Variants in ZNF101 observed in about 807,000 individuals in gnomAD.
ZNF101 encodes the protein zinc finger protein 101 (Y2).
A neutral mutation model predicts 42.6 loss-of-function variants in ZNF101; 34 were observed. The observed-to-expected ratio is 0.80, with a 90% CI of 0.61 to 1.06. The LOEUF is 1.06. ZNF101 is among the 50% of genes least tolerant of loss of function. The pLI is 0.00. For missense variants in ZNF101, 466 were observed against 530.9 expected (o/e 0.88, Z 1.20); for synonymous variants, 158 against 183.9 (o/e 0.86, Z 1.14).
At chr19:19,678,587 C>A in intron 2 of ZNF101, 139 bp from the exon 3 acceptor site, 1 of 664,946 alleles carries the variant, frequency 1.5e-6, no homozygotes, top group Non-Finnish European at 2.5e-6. Flanking sequence ...TGCACTCCAG[C>A]CTGGGTGGCA....
At chr19:19,676,197 T>G (rs542000356) in intron 1 of ZNF101, 3 of 152,044 alleles carry the variant, frequency 2.0e-5, no homozygotes, top group Non-Finnish European at 4.4e-5. Flanking sequence ...TTTTAAAAAA[T>G]TTTTCTAGAG....
intron 1 of ZNF101, among the ~76,000 whole-genome samples, chr19:19,669,640 C>G (rs976053779): frequency 9.9e-5 from 15 of 152,046 alleles, no homozygotes; most frequent in Non-Finnish European, 2.2e-4. Context: ...ATTACAGGTG[C>G]CCGCCACCAC....
chr19:19,668,753 C>A, upstream of ZNF101: 1 of 541,800 alleles, frequency 1.8e-6, no homozygotes, highest in Non-Finnish European at 3.2e-6. Flanking sequence ...GTCAGAGGCG[C>A]TGTGCGGCAA....
upstream of ZNF101, chr19:19,668,809 C>G (rs1000043525): frequency 2.6e-5 from 25 of 953,424 alleles, no homozygotes; most frequent in South Asian, 3.6e-5. Context: ...TTCCAAAGCC[C>G]GAAGCGGTCT....
intron 3 of ZNF101, 130 bp downstream of exon 3, chr19:19,678,916 C>CA (rs2062219426): frequency 1.0e-6 from 1 of 967,284 alleles, no homozygotes; most frequent in Non-Finnish European, 1.5e-6. Flanking sequence ...AGATTGCTAC[C>CA]AAAAATCTAT....
Position 19,668,856 on chromosome 19 carries a change from A to G in ZNF101, c.-108A>G. ...GGCCCCCCATTCGGGTCCGGGTTTT[A>G]GTTCCTCGGGGAGCCCCTGGTGCCC... is the stretch of plus-strand genomic sequence containing the variant. On this transcript the variant is annotated 5_prime_UTR_variant, in exon 1 of 4. Coordinates refer to ENST00000592502, the MANE Select transcript of ZNF101 (RefSeq NM_033204.4). The G allele has an allele frequency of 1.4e-6, 2 of 1,405,926 alleles. No homozygotes were observed. The highest frequency in any genetic ancestry group is 1.9e-6 in the Non-Finnish European group (2 of 1,051,454). The allele number at this position is 1,405,926 out of a possible 1,614,324, so 87.1% of individuals were successfully genotyped here.
At position 19,681,770 on chromosome 19, in the gene ZNF101, A is replaced by G. The variant is rs1488327705; in HGVS notation, c.*1470A>G. On this transcript the variant is annotated 3_prime_UTR_variant, in exon 4 of 4. Coordinates refer to ENST00000592502, the MANE Select transcript of ZNF101 (RefSeq NM_033204.4). ...CTAAAAAAATTAATCATGTGAGAAC[A>G]TCCACTCGAAAGAAATCCTATAAAC... is the stretch of plus-strand genomic sequence containing the variant. The G allele has an allele frequency of 6.6e-6, 1 of 152,108 alleles. No homozygotes were observed. The highest frequency in any genetic ancestry group is 1.5e-5 in the Non-Finnish European group (1 of 68,018). 9.4% of individuals were successfully genotyped at this position (152,108 alleles called of 1,614,324 possible).
chr19:19,678,105 T>C (rs1325822320), intron 2 of ZNF101, 115 bp downstream of exon 2: 5 of 1,458,930 alleles, frequency 3.4e-6, no homozygotes, highest in Middle Eastern at 1.8e-4. Flanking sequence ...AAATGGGGCA[T>C]CGTGGGCCAG....
chr19:19,669,179 G>C (rs573335298), intron 1 of ZNF101, among the ~76,000 whole-genome samples: 1 of 152,348 alleles, frequency 6.6e-6, no homozygotes, highest in East Asian at 1.9e-4. Context: ...CCCTCTCAGG[G>C]CAGCTCCGCG....
In ZNF101 at chr19:19,679,645, A is replaced by T; in HGVS notation, c.656A>T (p.His219Leu). 1.2e-6 allele frequency: 2 copies of T among 1,613,516 alleles called. No homozygotes were observed. The highest frequency in any genetic ancestry group is 1.7e-6 in the Non-Finnish European group (2 of 1,179,646). ...SSFFRKHGKM[H>L]TGEKRYECKY... Reference sequence around the variant, plus strand: ...TTCTTTCGAAAACATGGAAAAATGCATACTGGAGAAAAACGCTATGAATGT... The same window carrying T: ...TTCTTTCGAAAACATGGAAAAATGCTTACTGGAGAAAAACGCTATGAATGT... Residue 219 changes from histidine (H) to leucine (L), a missense_variant, in exon 4 of 4, where the codon CAT becomes CTT. Coordinates refer to ENST00000592502, the MANE Select transcript of ZNF101 (RefSeq NM_033204.4).
intron 1 of ZNF101, chr19:19,676,972 T>C (rs1477292925): frequency 1.3e-5 from 2 of 152,186 alleles, no homozygotes; most frequent in African/African-American, 2.4e-5. Context: ...GGATATCATT[T>C]GGAAGAAGGG....
At chr19:19,676,616 C>T (rs1052134122) in intron 1 of ZNF101, 1 of 150,412 alleles carries the variant, frequency 6.6e-6, no homozygotes, top group Non-Finnish European at 1.5e-5. Flanking sequence ...TTTTGTTTAC[C>T]TAAAATGTCT....
At chr19:19,675,838 A>G (rs1276586660) in intron 1 of ZNF101, among the ~76,000 whole-genome samples, 2 of 152,084 alleles carry the variant, frequency 1.3e-5, no homozygotes, top group South Asian at 2.1e-4. Flanking sequence ...GGGAGAGCCT[A>G]TCTCTACAAA....
intron 1 of ZNF101, among the ~76,000 whole-genome samples, chr19:19,674,641 GTGTC>G (rs1376239311): frequency 6.6e-6 from 1 of 152,024 alleles, no homozygotes; most frequent in African/African-American, 2.4e-5. Context: ...GTTTTTTGTA[GTGTC>G]TGTCTTTGGT....
Position 19,679,451 on chromosome 19 carries a change from T to C in ZNF101, c.462T>C (p.Ser154=), listed in dbSNP as rs201852500. 1.9e-6 allele frequency: 3 copies of C among 1,614,062 alleles called. No individual in the cohort carries two copies. Among genetic ancestry groups the C allele is most frequent in the African/African-American group, 1.3e-5 (1 of 75,014 alleles). The stretch of plus-strand genomic sequence containing the variant: ...ATGGGAAAGCCTCCATTTCCCCCAG[T>C]AGTGGTGCACGGCGCACAGTAACAC... ...KQHGKASISP[S]SGARRTVTPT... Residue 154 remains serine, a synonymous_variant, in exon 4 of 4, where the codon AGT becomes AGC. Coordinates refer to ENST00000592502, the MANE Select transcript of ZNF101 (RefSeq NM_033204.4).
At chr19:19,672,142 T>A (rs1214449563) in intron 1 of ZNF101, 4 of 148,368 alleles carry the variant, frequency 2.7e-5, no homozygotes, top group Non-Finnish European at 5.9e-5. Context: ...ATTATATATA[T>A]TTATAAATTT....
chr19:19,671,711 G>C (rs1271710258), intron 1 of ZNF101, among the ~76,000 whole-genome samples: 1 of 152,106 alleles, frequency 6.6e-6, no homozygotes, highest in African/African-American at 2.4e-5. Flanking sequence ...GTGTTAGCCA[G>C]GATGGTCTCG....
chr19:19,679,386 G>A lies in ZNF101; in HGVS notation c.397G>A (p.Gly133Ser), dbSNP rs200536821. 6.2e-7 allele frequency: 1 copy of A among 1,614,100 alleles called. No individual in the cohort carries two copies. Among genetic ancestry groups the A allele is most frequent in the East Asian group, 2.2e-5 (1 of 44,882 alleles). ...TGCTGGACACAAACGATCTGAGTGT[G>A]GTGGGGAATGGAGAGAGACGCCCCG... ...AHAGHKRSEC[G>S]GEWRETPRKQ... is the part of the protein sequence containing the mutation. Residue 133 changes from glycine (G) to serine (S), a missense_variant, in exon 4 of 4, where the codon GGT becomes AGT. Transcript: ENST00000592502.
intron 1 of ZNF101, chr19:19,677,530 G>A: frequency 4.8e-6 from 1 of 208,286 alleles, no homozygotes; most frequent in Non-Finnish European, 9.7e-6. Flanking sequence ...GCTGAAATGA[G>A]CGCTGTCTGC....
Sources: gnomAD v4.1 joint callset for allele counts (sites outside exome capture counted in the v4.1 genomes callset) on GRCh38, gnomAD v4.1.1 for gene constraint, MANE v1.5 for transcripts, NCBI Gene and HGNC (gene_info 2026-07-23, HGNC 2026-07-21) for gene names.